TESK2: variants seen among roughly 807,000 people sequenced by gnomAD.
TESK2 encodes the protein testis associated actin remodelling kinase 2.
In TESK2, 39 loss-of-function variants were observed where a neutral mutation model predicts 57.1. The observed-to-expected ratio is 0.68, with a 90% CI of 0.53 to 0.89. The LOEUF (loss-of-function observed/expected upper bound fraction) is 0.89. Among genes scored for constraint, TESK2 ranks in the 40% least tolerant of loss-of-function variants. TESK2 has a pLI of 0.00. For synonymous variants in TESK2, 249 were observed against 267.9 expected (o/e 0.93, Z 0.69); for missense variants, 646 against 732.1 (o/e 0.88, Z 1.36).
rs558008075 is a variant in TESK2 at position 45,450,002 on chromosome 1, A to C, written c.222+7562T>G. On this transcript the variant is annotated intron_variant, in intron 2 of 10. Coordinates refer to ENST00000372086, the MANE Select transcript of TESK2 (RefSeq NM_007170.3). ...AATCCAGAAGTAGGCTGAAATATAT[A>C]TGCTAATTTAGTGTATGATAGAGAT... Among the ~76,000 whole-genome samples the C allele has an allele frequency of 5.3e-5, 8 of 152,330 alleles. No homozygotes were observed. The East Asian group carries it at 1.3e-3, about 26-fold the overall frequency.
intron 2 of TESK2, among the ~76,000 whole-genome samples, chr1:45,452,579 G>C (rs1029230765): frequency 2.0e-5 from 3 of 152,090 alleles, no homozygotes; most frequent in Admixed American, 2.0e-4. Flanking sequence ...GCGGCCAGGA[G>C]TTTGACCAGC....
At chr1:45,365,217 G>A (rs370960403) in intron 4 of TESK2, among the ~76,000 whole-genome samples, 6 of 152,220 alleles carry the variant, frequency 3.9e-5, no homozygotes, top group South Asian at 4.2e-4. Flanking sequence ...TTCTCAGCTC[G>A]AGGATCCACA....
intron 1 of TESK2, among the ~76,000 whole-genome samples, chr1:45,486,712 C>T (rs1653489901): frequency 6.7e-6 from 1 of 148,268 alleles, no homozygotes; most frequent in African/African-American, 2.5e-5. Context: ...CGCACACACA[C>T]ACAATTAACT....
At chr1:45,420,505 C>G (rs1377589930) in intron 3 of TESK2, among the ~76,000 whole-genome samples, 4 of 151,922 alleles carry the variant, frequency 2.6e-5, no homozygotes, top group African/African-American at 9.7e-5. Context: ...GATCCACCCA[C>G]CTTGGCCTCC....
chr1:45,348,609 T>G (rs1327493142), intron 5 of TESK2, among the ~76,000 whole-genome samples: 5 of 152,240 alleles, frequency 3.3e-5, no homozygotes, highest in Non-Finnish European at 7.3e-5. Context: ...ACAGACAAGC[T>G]TGACTTACCA....
intron 3 of TESK2, among the ~76,000 whole-genome samples, chr1:45,403,127 T>A (rs1649694439): frequency 6.7e-6 from 1 of 149,172 alleles, no homozygotes; most frequent in South Asian, 2.1e-4. Flanking sequence ...CTACTAAATA[T>A]CAAAAAATTA....
At chr1:45,416,740 C>G (rs1344511502) in intron 3 of TESK2, among the ~76,000 whole-genome samples, 1 of 151,968 alleles carries the variant, frequency 6.6e-6, no homozygotes, top group Non-Finnish European at 1.5e-5. Flanking sequence ...TTTCCTCCCC[C>G]ATCCCATCCA....
intron 2 of TESK2, among the ~76,000 whole-genome samples, chr1:45,426,642 CAAAGTGA>C (rs1420649811): frequency 6.6e-6 from 1 of 151,972 alleles, no homozygotes; most frequent in Non-Finnish European, 1.5e-5. Context: ...GCAAATGAAA[CAAAGTGA>C]AGAGTCAATC....
At chr1:45,485,718 A>G (rs1343388458) in intron 1 of TESK2, among the ~76,000 whole-genome samples, 1 of 148,502 alleles carries the variant, frequency 6.7e-6, no homozygotes, top group East Asian at 2.0e-4. Flanking sequence ...AGGGGGTTTC[A>G]CCATCTTGGC....
At chr1:45,379,175 CCTTT>C (rs1482756338) in intron 4 of TESK2, among the ~76,000 whole-genome samples, 1 of 152,146 alleles carries the variant, frequency 6.6e-6, no homozygotes, top group East Asian at 1.9e-4. Context: ...GCTCACTTTT[CCTTT>C]CTTTGAGATG....
intron 4 of TESK2, among the ~76,000 whole-genome samples, chr1:45,364,113 G>A (rs1215086851): frequency 2.0e-5 from 3 of 152,094 alleles, no homozygotes; most frequent in Non-Finnish European, 4.4e-5. Context: ...GGCCACTGAA[G>A]GTTTATAGGT....
intron 4 of TESK2, among the ~76,000 whole-genome samples, chr1:45,363,344 C>T (rs150316835): frequency 1.3e-5 from 2 of 152,218 alleles, no homozygotes; most frequent in African/African-American, 4.8e-5. Flanking sequence ...AAGATTTAGC[C>T]CTCATTCCAA....
At chr1:45,480,842 G>T (rs1653187800) in intron 1 of TESK2, among the ~76,000 whole-genome samples, 1 of 151,060 alleles carries the variant, frequency 6.6e-6, no homozygotes, top group Non-Finnish European at 1.5e-5. Context: ...ACAAAAATTA[G>T]CCAGGTGTGG....
intron 5 of TESK2, among the ~76,000 whole-genome samples, chr1:45,351,448 G>C (rs927435994): frequency 6.6e-6 from 1 of 152,250 alleles, no homozygotes; most frequent in African/African-American, 2.4e-5. Context: ...AGTAGCTGCG[G>C]ACATGAGTCC....
chr1:45,370,001 G>A (rs1381036189), intron 4 of TESK2, among the ~76,000 whole-genome samples: 2 of 152,098 alleles, frequency 1.3e-5, no homozygotes, highest in South Asian at 2.1e-4. Flanking sequence ...GTCAGCCACC[G>A]CGTCCAGCCA....
chr1:45,387,475 G>C (rs982213056), intron 3 of TESK2, among the ~76,000 whole-genome samples: 1 of 151,964 alleles, frequency 6.6e-6, no homozygotes, highest in Admixed American at 6.6e-5. Context: ...TTCTAGTTTA[G>C]AAGAGCAAAG....
chr1:45,348,600 C>G (rs976614020), intron 5 of TESK2, among the ~76,000 whole-genome samples: 1 of 152,248 alleles, frequency 6.6e-6, no homozygotes, highest in Non-Finnish European at 1.5e-5. Context: ...AAACTTGTCA[C>G]AGACAAGCTT....
Position 45,347,694 on chromosome 1 carries a change from C to T in TESK2, c.624-1G>A. ...CACGGCCAGCTTCTCACTCCCCATG[C>T]TGTGGGGTGAGATTATACAGAAAAT... On this transcript the variant is annotated splice_acceptor_variant, in intron 6 of 10. Coordinates refer to ENST00000372086, the MANE Select transcript of TESK2 (RefSeq NM_007170.3). LOFTEE classifies it high-confidence loss of function. The T allele has an allele frequency of 6.2e-7, 1 of 1,613,926 alleles. No homozygotes were observed. The highest frequency in any genetic ancestry group is 8.5e-7 in the Non-Finnish European group (1 of 1,179,778).
chr1:45,398,515 C>T (rs1395750442), intron 3 of TESK2, among the ~76,000 whole-genome samples: 1 of 151,930 alleles, frequency 6.6e-6, no homozygotes, highest in African/African-American at 2.4e-5. Flanking sequence ...CCACTGCACT[C>T]CAGCCTGGGT....
Sources: allele counts gnomAD v4.1 joint callset (sites outside exome capture counted in the v4.1 genomes callset), GRCh38; gene constraint gnomAD v4.1.1; transcripts MANE v1.5; gene names NCBI Gene and HGNC (gene_info 2026-07-23, HGNC 2026-07-21).